Variants in XDH observed in about 807,000 individuals in gnomAD.
XDH encodes the protein xanthine dehydrogenase/oxidase.
Under a neutral mutation model 156.1 loss-of-function variants are expected in XDH, and 138 were observed. The ratio of observed to expected loss-of-function variants is 0.88; its 90% CI spans 0.77 to 1.02. XDH has a LOEUF of 1.02. XDH is among the 50% of genes least tolerant of loss of function. The probability of loss-of-function intolerance (pLI) is 0.00; values close to 1 mark genes in which losing one functional copy is unlikely to be tolerated. For missense variants in XDH, 1,849 were observed against 1,684.9 expected (o/e 1.10, Z -1.71); for synonymous variants, 669 against 625.7 (o/e 1.07, Z -1.03).
At chr2:31,376,418 C>T (rs959597853) in intron 14 of XDH, among the ~76,000 whole-genome samples, 21 of 148,926 alleles carry the variant, frequency 1.4e-4, no homozygotes, top group Non-Finnish European at 3.1e-4. Flanking sequence ...AGCAGCAATA[C>T]TAGTAGCAAT....
At chr2:31,360,288 A>C (rs1309631381) in intron 24 of XDH, among the ~76,000 whole-genome samples, 1 of 152,224 alleles carries the variant, frequency 6.6e-6, no homozygotes, top group African/African-American at 2.4e-5. Flanking sequence ...ACCCGAGGTC[A>C]GAAGTTCGAG....
At chr2:31,406,430 C>A (rs1333474896) in intron 1 of XDH, among the ~76,000 whole-genome samples, 1 of 152,130 alleles carries the variant, frequency 6.6e-6, no homozygotes, top group African/African-American at 2.4e-5. Flanking sequence ...TTATAATTAC[C>A]CAGCCTCAGG....
Position 31,398,575 on chromosome 2 carries a change from T to C in XDH, c.431A>G (p.Gln144Arg). ...AGGCTGTGCCTGAAGGCCCATACCT[T>C]GGAAGGCATTCTCAATCTCCTCCAT... Reference protein sequence around the residue: ...PTMEEIENAFQGNLCRCTGYR... With the variant: ...PTMEEIENAFRGNLCRCTGYR... Residue 144 changes from glutamine (Q) to arginine (R), a missense_variant and splice_region_variant, in exon 5 of 36, where the codon CAA (glutamine) becomes CGA (arginine). Coordinates refer to ENST00000379416, the MANE Select transcript of XDH (RefSeq NM_000379.4). 6.2e-7 allele frequency: 1 copy of C among 1,614,034 alleles called. No individual in the cohort carries two copies. The highest frequency in any genetic ancestry group is 8.5e-7 in the Non-Finnish European group (1 of 1,179,920).
rs182153721 is a variant in XDH, at chr2:31,356,633, G to A, written c.2632-6410C>T. Among the ~76,000 whole-genome samples the A allele has an allele frequency of 2.8e-4, 43 of 152,248 alleles. No homozygotes were observed. In the South Asian group the frequency reaches 3.7e-3, roughly 13 times the overall value. On this transcript the variant is annotated intron_variant, in intron 24 of 35. Coordinates refer to ENST00000379416, the MANE Select transcript of XDH (RefSeq NM_000379.4). ...TCCCTAGAGCTTCCAGAGGATGTGCGGTCCTGCCAACACCTTGATTTCAGA... is the reference window on the plus strand; with the variant it reads ...TCCCTAGAGCTTCCAGAGGATGTGCAGTCCTGCCAACACCTTGATTTCAGA...
intron 35 of XDH, 140 bp from the exon 36 acceptor site, chr2:31,336,148 G>C (rs1186779969): frequency 1.1e-6 from 1 of 920,428 alleles, no homozygotes; most frequent in African/African-American, 1.6e-5. Context: ...TGTTGAGAAT[G>C]CCTCAGGGCA....
intron 1 of XDH, among the ~76,000 whole-genome samples, chr2:31,408,683 T>A (rs1183506483): frequency 1.3e-5 from 2 of 152,132 alleles, no homozygotes; most frequent in East Asian, 3.8e-4. Flanking sequence ...CAGTTAAGAA[T>A]CATCAATGGA....
At chr2:31,347,457 G>A (rs1229469828) in intron 29 of XDH, 65 bp downstream of exon 29, 4 of 1,609,796 alleles carry the variant, frequency 2.5e-6, no homozygotes, top group Non-Finnish European at 2.5e-6. Flanking sequence ...CCCACCCAGG[G>A]AGACTCTCCA....
Position 31,335,952 on chromosome 2 carries a change from C to T in XDH, c.*6G>A, listed in dbSNP as rs199714131. The T allele has an allele frequency of 9.4e-5, 151 of 1,614,216 alleles. No homozygotes were observed. The highest frequency in any genetic ancestry group is 1.3e-4 in the Admixed American group (8 of 60,028). ...GCACAAGAAGACTCTGCTGAGGACT[C>T]TCTCTTTAGACCCTCACAGACCAGG... On this transcript the variant is annotated 3_prime_UTR_variant, in exon 36 of 36. Transcript: ENST00000379416.
chr2:31,374,009 C>G (rs1686154371), intron 15 of XDH, 53 bp from the exon 16 acceptor site: 3 of 1,554,492 alleles, frequency 1.9e-6, no homozygotes, highest in Non-Finnish European at 2.6e-6. Context: ...ATCACTGATT[C>G]CTTCCTTGCT....
intron 13 of XDH, among the ~76,000 whole-genome samples, chr2:31,379,286 A>G (rs1434032830): frequency 1.3e-5 from 2 of 152,200 alleles, no homozygotes; most frequent in Non-Finnish European, 2.9e-5. Context: ...CATCCGCACC[A>G]ATCCACAGCG....
intron 13 of XDH, 32 bp from the exon 14 acceptor site, chr2:31,377,269 A>C: frequency 6.2e-7 from 1 of 1,613,276 alleles, no homozygotes. Context: ...CCTGTTTTCC[A>C]CCTTGCTCTG....
chr2:31,400,866 G>C (rs1346031345), intron 4 of XDH, among the ~76,000 whole-genome samples: 1 of 152,208 alleles, frequency 6.6e-6, no homozygotes, highest in Admixed American at 6.5e-5. Context: ...AATCTGGGAA[G>C]GCTGGGAGTT....
Position 31,372,362 on chromosome 2 carries a change from C to T in XDH, c.1722G>A (p.Val574=). 1 of 1,614,132 alleles carries T rather than the reference C, an allele frequency of 6.2e-7. No homozygotes were observed. The highest frequency in any genetic ancestry group is 8.5e-7 in the Non-Finnish European group (1 of 1,180,046). Residue 574 remains valine, a synonymous_variant, in exon 17 of 36, where the codon GTG becomes GTA. Coordinates refer to ENST00000379416, the MANE Select transcript of XDH (RefSeq NM_000379.4). Reference sequence around the variant, plus strand: ...CTGCCAGGTGGGGCAGGGGCCGGCCCACCATGTCCTCCTCAGACTGACCCT... The same window carrying T: ...CTGCCAGGTGGGGCAGGGGCCGGCCTACCATGTCCTCCTCAGACTGACCCT... The part of the protein sequence containing the change: ...VPKGQSEEDM[V]GRPLPHLAAD...
At chr2:31,343,768 TTG>T (rs1685205707) in intron 31 of XDH, among the ~76,000 whole-genome samples, 1 of 145,780 alleles carries the variant, frequency 6.9e-6, no homozygotes. Context: ...TAAATGTTTT[TTG>T]TGTGTATATA....
intron 2 of XDH, among the ~76,000 whole-genome samples, chr2:31,404,155 C>T (rs888180717): frequency 5.9e-5 from 9 of 151,876 alleles, no homozygotes; most frequent in African/African-American, 7.3e-5. Flanking sequence ...GTTACCCTGC[C>T]GGTGTGGCCC....
At chr2:31,391,753 T>C (rs945843130) in intron 6 of XDH, among the ~76,000 whole-genome samples, 6 of 152,242 alleles carry the variant, frequency 3.9e-5, no homozygotes, top group Admixed American at 3.9e-4. Context: ...TTGGAGAGTA[T>C]TAATGTAAAA....
At chr2:31,349,131 G>A in intron 26 of XDH, 151 bp from the exon 27 acceptor site, 1 of 753,074 alleles carries the variant, frequency 1.3e-6, no homozygotes, top group Non-Finnish European at 2.3e-6. Flanking sequence ...AGGGGGTCTT[G>A]TCAACACTCT....
At position 31,379,717 on chromosome 2, in the gene XDH, C is replaced by T. The variant is rs1416666150; in HGVS notation, c.1242+150G>A. The T allele has an allele frequency of 7.0e-5, 57 of 814,992 alleles. No homozygotes were observed. The Admixed American group carries it at 1.1e-3, about 16-fold the overall frequency. The allele number at this position is 814,992 out of a possible 1,614,324, so 50.5% of individuals were successfully genotyped here. ...TGTCCAGAAAGGAGTATGGTTGGTT[C>T]AACAGAGGCAAAGTTCAGAGAGAAA... On this transcript the variant is annotated intron_variant, in intron 13 of 35. Coordinates refer to ENST00000379416, the MANE Select transcript of XDH (RefSeq NM_000379.4).
chr2:31,365,951 G>A, intron 22 of XDH, 25 bp downstream of exon 22: 1 of 1,614,130 alleles, frequency 6.2e-7, no homozygotes, highest in Non-Finnish European at 8.5e-7. Context: ...AGAGCCAGAT[G>A]GGAGAAACAG....
Sources: allele counts gnomAD v4.1 joint callset (sites outside exome capture counted in the v4.1 genomes callset), GRCh38; gene constraint gnomAD v4.1.1; transcripts MANE v1.5; gene names NCBI Gene and HGNC (gene_info 2026-07-23, HGNC 2026-07-21).